Variants in SMYD4 observed in about 807,000 individuals in gnomAD.
The protein encoded by SMYD4 is protein-lysine N-methyltransferase SMYD4.
A neutral mutation model predicts 72.8 loss-of-function variants in SMYD4; 68 were observed. The ratio of observed to expected loss-of-function variants is 0.93; its 90% CI spans 0.77 to 1.14. SMYD4 has a LOEUF of 1.14. Among genes scored for constraint, SMYD4 ranks in the 50% most tolerant of loss-of-function variants. The pLI is 0.00. For synonymous variants in SMYD4, 407 were observed against 388.6 expected, an observed-to-expected ratio of 1.05 and a Z score of -0.56; for missense variants, 984 against 1,003.7, an observed-to-expected ratio of 0.98 and a Z score of 0.27.
intron 4 of SMYD4, among the ~76,000 whole-genome samples, chr17:1,801,573 A>G (rs79192215): frequency 0.13 from 18,696 of 149,172 alleles, 1,502 homozygotes; most frequent in African/African-American, 0.22. Context: ...TTAAGGAAAA[A>G]GAAGTCTTAT....
rs1909719280 is a variant in SMYD4, at chr17:1,801,012, C to CT, written c.381dup (p.Asp128ArgfsTer3). On this transcript the variant is annotated frameshift_variant, in exon 5 of 11. Transcript: ENST00000305513. LOFTEE classifies it high-confidence loss of function. Reference sequence around the variant, plus strand: ...CCATGTGTCTGTGCTCTGTTAATGTCTTTAAGACACGTCTGAAAACAGAAA... The same window carrying CT: ...CCATGTGTCTGTGCTCTGTTAATGTCTTTTAAGACACGTCTGAAAACAGAAA... The CT allele has an allele frequency of 6.3e-7, 1 of 1,598,648 alleles. No homozygotes were observed. The highest frequency in any genetic ancestry group is 1.1e-5 in the South Asian group (1 of 90,454).
intron 2 of SMYD4, among the ~76,000 whole-genome samples, chr17:1,816,382 G>A (rs990180346): frequency 6.6e-6 from 1 of 151,866 alleles, no homozygotes; most frequent in African/African-American, 2.4e-5. Flanking sequence ...CACTTTGGGA[G>A]GCCGAGGCGG....
At chr17:1,828,147 G>C (rs1597404645) in intron 1 of SMYD4, 141 bp from the exon 2 acceptor site, 1 of 701,260 alleles carries the variant, frequency 1.4e-6, no homozygotes, top group East Asian at 3.0e-5. Flanking sequence ...TCAGGAGATG[G>C]AGACCATCCT....
intron 5 of SMYD4, among the ~76,000 whole-genome samples, chr17:1,793,822 G>C (rs1352766243): frequency 6.7e-6 from 1 of 149,750 alleles, no homozygotes; most frequent in Non-Finnish European, 1.5e-5. Flanking sequence ...CTGCCTCTCA[G>C]TGCAGTGTTT....
intron 2 of SMYD4, among the ~76,000 whole-genome samples, chr17:1,812,545 CTTTTTTTTTTTTT>C (rs71150818): frequency 1.3e-4 from 8 of 63,702 alleles, no homozygotes; most frequent in East Asian, 9.1e-4. Context: ...AGCAGAATTT[CTTTTTTTTTTTTT>C]TTTTTTTTTT....
intron 5 of SMYD4, among the ~76,000 whole-genome samples, chr17:1,788,889 T>G (rs1400080933): frequency 6.6e-6 from 1 of 152,194 alleles, no homozygotes; most frequent in African/African-American, 2.4e-5. Context: ...GTATGTACAG[T>G]AAAGATAACC....
At chr17:1,811,339 G>T (rs545660342) in intron 3 of SMYD4, among the ~76,000 whole-genome samples, 2 of 152,070 alleles carry the variant, frequency 1.3e-5, no homozygotes, top group Non-Finnish European at 2.9e-5. Flanking sequence ...CACTAGTCAG[G>T]CTAATTTAAA....
intron 5 of SMYD4, among the ~76,000 whole-genome samples, chr17:1,789,680 G>T (rs12952985): frequency 1.3e-5 from 2 of 149,856 alleles, no homozygotes; most frequent in African/African-American, 4.9e-5. Flanking sequence ...CAGGAGAATC[G>T]CTTGAAACTG....
intron 2 of SMYD4, chr17:1,814,577 GCAC>G (rs771087726): frequency 2.6e-5 from 4 of 152,212 alleles, no homozygotes; most frequent in Non-Finnish European, 2.9e-5. Flanking sequence ...TGTAATCCCA[GCAC>G]TCTGGGAGGC....
rs1002964660 is a variant in SMYD4, at chr17:1,793,096, T to G, written c.1538-5492A>C. Among the ~76,000 whole-genome samples the G allele has an allele frequency of 2.0e-5, 3 of 152,066 alleles. No homozygotes were observed. In the South Asian group the frequency reaches 6.2e-4, roughly 32 times the overall value. On this transcript the variant is annotated intron_variant, in intron 5 of 10. Transcript: ENST00000305513. Reference sequence around the variant, plus strand: ...CCACACTCAGCTAATTTTTGTATTTTTGTAGACACAGAGTTTAGCCATGTT... The same window carrying G: ...CCACACTCAGCTAATTTTTGTATTTGTGTAGACACAGAGTTTAGCCATGTT...
In SMYD4 at chr17:1,800,243, C is replaced by T; in HGVS notation, c.1151G>A (p.Ser384Asn). The part of the protein sequence containing the change: ...ISNKDICLPE[S>N]NNQVKTLNYG... ...ATTAAGTGTCTTGACCTGATTGTTG[C>T]TTTCAGGTAAACAGATGTCCTTGTT... The change falls in exon 5 of 11, where the codon AGC becomes AAC. Residue 384 changes from serine (S) to asparagine (N), a missense_variant. Physicochemically the swap from Ser to Asn is conservative, Grantham distance 46 (BLOSUM62 1). Transcript: ENST00000305513. 6.2e-7 allele frequency: 1 copy of T among 1,614,202 alleles called. No homozygotes were observed. Among genetic ancestry groups the T allele is most frequent in the Non-Finnish European group, 8.5e-7 (1 of 1,180,034 alleles).
chr17:1,818,433 C>T (rs1910740781), intron 2 of SMYD4, among the ~76,000 whole-genome samples: 1 of 152,070 alleles, frequency 6.6e-6, no homozygotes, highest in Admixed American at 6.6e-5. Context: ...ATTCGCAGGC[C>T]TCTGCTTTAA....
At position 1,785,076 on chromosome 17, in the gene SMYD4, C is replaced by T. The variant is rs142692331; in HGVS notation, c.1885-615G>A. Among the ~76,000 whole-genome samples, 27 of 149,600 alleles carry T rather than the reference C, an allele frequency of 1.8e-4. No individual in the cohort carries two copies. In the East Asian group the frequency reaches 5.0e-3, roughly 28 times the overall value. On this transcript the variant is annotated intron_variant, in intron 7 of 10. Coordinates refer to ENST00000305513, the MANE Select transcript of SMYD4 (RefSeq NM_052928.3). Reference sequence around the variant, plus strand: ...TGCTGGGATTACAGGCGTGAGCCACCGTGCCCGGCCTTGATGACAAACATT... The same window carrying T: ...TGCTGGGATTACAGGCGTGAGCCACTGTGCCCGGCCTTGATGACAAACATT...
At chr17:1,788,696 C>A (rs186292012) in intron 5 of SMYD4, among the ~76,000 whole-genome samples, 1 of 151,726 alleles carries the variant, frequency 6.6e-6, no homozygotes, top group Non-Finnish European at 1.5e-5. Context: ...GAGCCAAGAT[C>A]GTGCTGCTGC....
Position 1,800,928 on chromosome 17 carries a change from G to C in SMYD4, c.466C>G (p.Leu156Val). The change falls in exon 5 of 11, where the codon CTG becomes GTG. Residue 156 changes from leucine to valine, a missense_variant. Transcript: ENST00000305513. Reference sequence around the variant, plus strand: ...TGGCTTGCCTCCTGCAGTCTCCCCAGGGCCACCAGACATTCTGCTTTACGT... The same window carrying C: ...TGGCTTGCCTCCTGCAGTCTCCCCACGGCCACCAGACATTCTGCTTTACGT... ...MLRKAECLVA[L>V]GRLQEASQTI... 1 of 1,614,194 alleles carries C rather than the reference G, an allele frequency of 6.2e-7. No homozygotes were observed. Among genetic ancestry groups the C allele is most frequent in the Non-Finnish European group, 8.5e-7 (1 of 1,180,030 alleles).
intron 3 of SMYD4, among the ~76,000 whole-genome samples, chr17:1,805,614 C>T (rs938925818): frequency 6.6e-6 from 1 of 151,586 alleles, no homozygotes; most frequent in Non-Finnish European, 1.5e-5. Context: ...GAGTTTGAGA[C>T]CTGCCTGGCT....
intron 2 of SMYD4, among the ~76,000 whole-genome samples, chr17:1,813,176 T>G (rs1167938231): frequency 6.6e-6 from 1 of 152,210 alleles, no homozygotes; most frequent in Non-Finnish European, 1.5e-5. Context: ...TGACCTCAAG[T>G]GATCCGCCTG....
At chr17:1,801,759 G>A (rs1203061642) in intron 4 of SMYD4, among the ~76,000 whole-genome samples, 1 of 150,650 alleles carries the variant, frequency 6.6e-6, no homozygotes, top group Non-Finnish European at 1.5e-5. Context: ...AGCAGATCAC[G>A]AGGTCAGGTG....
chr17:1,797,255 C>T (rs1453810473), intron 5 of SMYD4, among the ~76,000 whole-genome samples: 1 of 152,222 alleles, frequency 6.6e-6, no homozygotes, highest in Non-Finnish European at 1.5e-5. Context: ...GTTTAGCTAA[C>T]ACCTGGTTTC....
Sources: gnomAD v4.1 joint callset for allele counts (sites outside exome capture counted in the v4.1 genomes callset) on GRCh38, gnomAD v4.1.1 for gene constraint, MANE v1.5 for transcripts, NCBI Gene and HGNC (gene_info 2026-07-23, HGNC 2026-07-21) for gene names.